Variants in BTRC observed in about 807,000 individuals in gnomAD.
BTRC encodes the protein F-box/WD repeat-containing protein 1A.
Under a neutral mutation model 85.5 loss-of-function variants are expected in BTRC, and 42 were observed. The observed-to-expected ratio is 0.49, with a 90% CI of 0.38 to 0.64. BTRC has a LOEUF of 0.64. Ranked by LOEUF, BTRC falls within the 30% of genes least tolerant of loss-of-function variation. BTRC has a pLI of 0.00. For missense variants in BTRC, 594 were observed against 743.5 expected, an observed-to-expected ratio of 0.80 and a Z score of 2.34; for synonymous variants, 255 against 263.3, an observed-to-expected ratio of 0.97 and a Z score of 0.30.
At chr10:101,462,993 G>T (rs928961925) in intron 3 of BTRC, among the ~76,000 whole-genome samples, 16 of 150,230 alleles carry the variant, frequency 1.1e-4, no homozygotes, top group African/African-American at 3.7e-4. Context: ...TCAGCCTCCT[G>T]AGTAGCTGGA....
At chr10:101,460,925 C>T (rs4431957) in intron 2 of BTRC, among the ~76,000 whole-genome samples, 56,204 of 151,852 alleles carry the variant, frequency 0.37, 11,592 homozygotes, top group Middle Eastern at 0.49. Context: ...TGTTTTGAGA[C>T]GGAACCTTGC....
At chr10:101,356,190 C>T (rs984831760) in intron 1 of BTRC, among the ~76,000 whole-genome samples, 2 of 152,070 alleles carry the variant, frequency 1.3e-5, no homozygotes, top group African/African-American at 4.8e-5. Context: ...TTAGTAGAGT[C>T]GGGGTTTCAC....
intron 1 of BTRC, among the ~76,000 whole-genome samples, chr10:101,416,042 G>A (rs943244173): frequency 3.1e-4 from 47 of 152,218 alleles, no homozygotes; most frequent in African/African-American, 1.1e-3. Context: ...TGATCACACA[G>A]CCGAGAAATC....
In BTRC at chr10:101,520,184, C is replaced by T. The variant is rs889415234; in HGVS notation, c.325-1455C>T. On this transcript the variant is annotated intron_variant, in intron 4 of 14. Coordinates refer to ENST00000370187, the MANE Select transcript of BTRC (RefSeq NM_033637.4). Reference sequence around the variant, plus strand: ...GGGGGGACAGAGTCTCGCCCTGTTGCCCAGGCTGGAGGGAAGTGGTGCAAT... The same window carrying T: ...GGGGGGACAGAGTCTCGCCCTGTTGTCCAGGCTGGAGGGAAGTGGTGCAAT... Among the ~76,000 whole-genome samples, 4 of 151,884 alleles carry T rather than the reference C, an allele frequency of 2.6e-5. No homozygotes were observed. The East Asian group carries it at 7.7e-4, about 29-fold the overall frequency.
intron 1 of BTRC, among the ~76,000 whole-genome samples, chr10:101,367,043 A>AATAT (rs1164265902): frequency 6.9e-5 from 3 of 43,382 alleles, no homozygotes; most frequent in Non-Finnish European, 1.5e-4. Context: ...TATATATATA[A>AATAT]ATATATATAT....
intron 12 of BTRC, 145 bp downstream of exon 12, chr10:101,536,798 T>C (rs910021244): frequency 1.8e-6 from 1 of 567,520 alleles, no homozygotes; most frequent in Non-Finnish European, 3.1e-6. Context: ...CTTTAATCCG[T>C]GTATTTACCT....
chr10:101,477,101 C>T (rs936144655), intron 3 of BTRC, among the ~76,000 whole-genome samples: 6 of 152,102 alleles, frequency 3.9e-5, no homozygotes, highest in Admixed American at 2.0e-4. Context: ...CTCAGCCTCC[C>T]GAGTAGCTGG....
intron 4 of BTRC, among the ~76,000 whole-genome samples, chr10:101,502,363 TG>T (rs1250592220): frequency 6.6e-6 from 1 of 152,068 alleles, no homozygotes; most frequent in African/African-American, 2.4e-5. Flanking sequence ...GGGAAAACAT[TG>T]TAGCAATAGC....
At chr10:101,537,280 C>T (rs980211330) in intron 12 of BTRC, among the ~76,000 whole-genome samples, 2 of 152,190 alleles carry the variant, frequency 1.3e-5, no homozygotes, top group Admixed American at 6.5e-5. Context: ...TTAATCCCAG[C>T]ACTTTGGGAG....
At chr10:101,470,612 G>A (rs1033127385) in intron 3 of BTRC, among the ~76,000 whole-genome samples, 7 of 152,250 alleles carry the variant, frequency 4.6e-5, no homozygotes, top group Non-Finnish European at 8.8e-5. Context: ...TTACAGGCGC[G>A]AGCCACCGCG....
At chr10:101,534,320 A>G (rs766669865) in intron 9 of BTRC, among the ~76,000 whole-genome samples, 5 of 152,182 alleles carry the variant, frequency 3.3e-5, no homozygotes, top group Non-Finnish European at 7.4e-5. Context: ...GAGGGCTATC[A>G]TTGGAATGGG....
At chr10:101,543,163 C>T (rs2062496780) in intron 13 of BTRC, among the ~76,000 whole-genome samples, 1 of 152,224 alleles carries the variant, frequency 6.6e-6, no homozygotes, top group South Asian at 2.1e-4. Context: ...CAGGCGTGAG[C>T]CACCGCACCC....
At chr10:101,509,883 T>G (rs1304363361) in intron 4 of BTRC, among the ~76,000 whole-genome samples, 1 of 151,854 alleles carries the variant, frequency 6.6e-6, no homozygotes, top group Non-Finnish European at 1.5e-5. Flanking sequence ...TAAAGATGCT[T>G]TTGGCCGGGT....
chr10:101,542,443 A>C (rs2062482684), intron 13 of BTRC, among the ~76,000 whole-genome samples: 1 of 152,176 alleles, frequency 6.6e-6, no homozygotes, highest in Non-Finnish European at 1.5e-5. Flanking sequence ...GTTGGTTTAT[A>C]ATATTCAGGT....
intron 1 of BTRC, among the ~76,000 whole-genome samples, chr10:101,358,647 C>T (rs1261063653): frequency 1.3e-5 from 2 of 152,078 alleles, no homozygotes; most frequent in East Asian, 3.9e-4. Context: ...TTGGTATTGG[C>T]TGAGGTGTGG....
intron 1 of BTRC, among the ~76,000 whole-genome samples, chr10:101,363,487 CTT>C (rs1942273806): frequency 6.6e-6 from 1 of 151,988 alleles, no homozygotes; most frequent in Admixed American, 6.6e-5. Context: ...GAGATGGAGT[CTT>C]ACTCTGTCAC....
At chr10:101,441,807 G>A (rs1387193881) in intron 2 of BTRC, among the ~76,000 whole-genome samples, 1 of 147,558 alleles carries the variant, frequency 6.8e-6, no homozygotes, top group Non-Finnish European at 1.5e-5. Context: ...CTTGAACCTG[G>A]GAGGCGGAGA....
At chr10:101,495,548 G>A (rs567821642) in intron 4 of BTRC, among the ~76,000 whole-genome samples, 2 of 152,240 alleles carry the variant, frequency 1.3e-5, no homozygotes, top group Non-Finnish European at 2.9e-5. Flanking sequence ...ACCTTGTTCA[G>A]AGTGGTGGCA....
intron 2 of BTRC, among the ~76,000 whole-genome samples, chr10:101,453,222 G>A (rs1564782145): frequency 6.6e-6 from 1 of 152,192 alleles, no homozygotes. Context: ...TACTGTGTTT[G>A]CAATTAGTTA....
Sources: allele counts gnomAD v4.1 joint callset (sites outside exome capture counted in the v4.1 genomes callset), GRCh38; gene constraint gnomAD v4.1.1; transcripts MANE v1.5; gene names NCBI Gene and HGNC (gene_info 2026-07-23, HGNC 2026-07-21).